MAML2: variants seen among roughly 807,000 people sequenced by gnomAD.
The protein encoded by MAML2 is mastermind-like protein 2.
Under a neutral mutation model 96.1 loss-of-function variants are expected in MAML2, and 22 were observed. The ratio of observed to expected loss-of-function variants is 0.23; its 90% confidence interval spans 0.16 to 0.33. MAML2 has a LOEUF of 0.33. MAML2 is among the 10% of genes least tolerant of loss of function. MAML2 has a pLI of 1.00. For missense variants in MAML2, 1,367 were observed against 1,392.4 expected (o/e 0.98, Z 0.29); for synonymous variants, 561 against 521.3 (o/e 1.08, Z -1.04).
At chr11:96,244,765 G>A (rs1184613618) in intron 1 of MAML2, among the ~76,000 whole-genome samples, 4 of 152,098 alleles carry the variant, frequency 2.6e-5, no homozygotes, top group Non-Finnish European at 5.9e-5. Flanking sequence ...TGGACTCTCA[G>A]AGCAATCACA....
chr11:96,023,300 T>C (rs1337167266), intron 2 of MAML2, among the ~76,000 whole-genome samples: 1 of 152,216 alleles, frequency 6.6e-6, no homozygotes, highest in Non-Finnish European at 1.5e-5. Flanking sequence ...TGCCATATGA[T>C]GGAGTCACTG....
chr11:96,220,920 T>C (rs1318808778), intron 1 of MAML2, among the ~76,000 whole-genome samples: 2 of 152,176 alleles, frequency 1.3e-5, no homozygotes, highest in Non-Finnish European at 2.9e-5. Flanking sequence ...AACTCTAATC[T>C]CTTGGAAGAC....
Position 96,092,724 on chromosome 11 carries a change from A to T in MAML2, c.1307T>A (p.Leu436His). 1 of 1,613,900 alleles carries T rather than the reference A, an allele frequency of 6.2e-7. No individual in the cohort carries two copies. Among genetic ancestry groups the T allele is most frequent in the Non-Finnish European group, 8.5e-7 (1 of 1,179,900 alleles). The change falls in exon 2 of 5, where the codon CTC (leucine) becomes CAC (histidine). Residue 436 changes from leucine (L) to histidine (H), a missense_variant. Coordinates refer to ENST00000524717, the MANE Select transcript of MAML2 (RefSeq NM_032427.4). This position sits in a 1 kb window ranked among gnomAD's most constrained non-coding sequence, Gnocchi z 4.1. ...SWQEVSHAQQ[L>H]KQIAANRQQH... ...CTGACGATTAGCAGCTATCTGTTTG[A>T]GCTGCTGGGCATGGGATACTTCCTG...
rs537532291 is a variant in MAML2, at chr11:96,301,947, C to T, written c.513+39436G>A. Among the ~76,000 whole-genome samples, 366 of 152,278 alleles carry T rather than the reference C, an allele frequency of 2.4e-3. 2 individuals are homozygous for T. Among genetic ancestry groups the T allele is most frequent in the Non-Finnish European group, 4.4e-3 (299 of 68,026 alleles). On this transcript the variant is annotated intron_variant, in intron 1 of 4. Coordinates refer to ENST00000524717, the MANE Select transcript of MAML2 (RefSeq NM_032427.4). The stretch of plus-strand genomic sequence containing the variant: ...CAAGATTAACATTGAAGAGCTATTG[C>T]GACCTTATTCTCTTATATTTCTTAG...
At chr11:96,023,414 C>T (rs771597492) in intron 2 of MAML2, among the ~76,000 whole-genome samples, 2 of 152,182 alleles carry the variant, frequency 1.3e-5, no homozygotes, top group South Asian at 2.1e-4. Flanking sequence ...CTTACCGCCT[C>T]GCTTTTCAGC....
Position 96,254,612 on chromosome 11 carries a change from CTT to C in MAML2, c.513+86769_513+86770del, listed in dbSNP as rs1433796624. Among the ~76,000 whole-genome samples, 5 of 152,038 alleles carry C rather than the reference CTT, an allele frequency of 3.3e-5. No individual in the cohort carries two copies. The East Asian group carries it at 9.7e-4, about 29-fold the overall frequency. Reference sequence around the variant, plus strand: ...AACAAAACAAAACAAAAAAAAAACTCTTTTAAAAAGCAAAATCAAAAGAACTC... The same window carrying C: ...AACAAAACAAAACAAAAAAAAAACTCTTAAAAAGCAAAATCAAAAGAACTC... On this transcript the variant is annotated intron_variant, in intron 1 of 4. Transcript: ENST00000524717.
At chr11:96,294,653 T>A (rs1863264853) in intron 1 of MAML2, among the ~76,000 whole-genome samples, 1 of 152,226 alleles carries the variant, frequency 6.6e-6, no homozygotes, top group African/African-American at 2.4e-5. Context: ...AATTCCCATA[T>A]AATTTTGATA....
chr11:96,092,016 T>C lies in MAML2; in HGVS notation c.2015A>G (p.Gln672Arg). The change falls in exon 2 of 5, where the codon CAA (glutamine) becomes CGA (arginine). Residue 672 changes from glutamine to arginine, a missense_variant. Physicochemically the swap from Gln to Arg is conservative, Grantham distance 43. Coordinates refer to ENST00000524717, the MANE Select transcript of MAML2 (RefSeq NM_032427.4). This position sits in a 1 kb window ranked among gnomAD's most constrained non-coding sequence, Gnocchi z 4.1. ...QQQQPSSQPAQSLPSQPLLRS... is the reference protein window; with the variant it reads ...QQQQPSSQPARSLPSQPLLRS... ...TAGCAAAGGCTGGCTTGGTAGAGAT[T>C]GGGCAGGCTGAGAAGATGGTTGTTG... 6.4e-7 allele frequency: 1 copy of C among 1,572,260 alleles called. No homozygotes were observed. Among genetic ancestry groups the C allele is most frequent in the East Asian group, 2.3e-5 (1 of 43,040 alleles).
chr11:96,116,506 C>T (rs1046979970), intron 1 of MAML2, among the ~76,000 whole-genome samples: 3 of 152,190 alleles, frequency 2.0e-5, no homozygotes, highest in African/African-American at 7.2e-5. Flanking sequence ...TCTGGTCTGA[C>T]AACATGGCAA....
intron 1 of MAML2, among the ~76,000 whole-genome samples, chr11:96,240,557 CAAAAAAAAAAAA>C (rs55659413): frequency 7.8e-5 from 4 of 51,090 alleles, no homozygotes; most frequent in East Asian, 6.6e-4. Flanking sequence ...GACTCCGTCT[CAAAAAAAAAAAA>C]AAAAAAAAAA....
In MAML2 at chr11:95,976,848, AT is replaced by A. The variant is rs1857658981; in HGVS notation, c.*2099del. On this transcript the variant is annotated 3_prime_UTR_variant, in exon 5 of 5. Transcript: ENST00000524717. ...CAACAAAAGCGTTTATATGTACATC[AT>A]TTTTTTTCTTTTTGTATGGAGAAAT... 5.4e-6 allele frequency: 1 copy of A among 186,770 alleles called. No homozygotes were observed. The highest frequency in any genetic ancestry group is 1.1e-5 in the Non-Finnish European group (1 of 88,428). 11.6% of individuals were successfully genotyped at this position (186,770 alleles called of 1,614,324 possible).
chr11:96,326,203 C>T (rs527996333), intron 1 of MAML2, among the ~76,000 whole-genome samples: 1 of 150,794 alleles, frequency 6.6e-6, no homozygotes, highest in Admixed American at 6.7e-5. Context: ...CATCTGTAAC[C>T]CTATTCCATC....
chr11:96,236,741 A>G (rs1862372300), intron 1 of MAML2, among the ~76,000 whole-genome samples: 1 of 152,200 alleles, frequency 6.6e-6, no homozygotes, highest in South Asian at 2.1e-4. Flanking sequence ...AGGGTTGATA[A>G]TAACATTGAT....
At chr11:96,319,320 A>G (rs1863672574) in intron 1 of MAML2, among the ~76,000 whole-genome samples, 1 of 152,252 alleles carries the variant, frequency 6.6e-6, no homozygotes, top group Non-Finnish European at 1.5e-5. Context: ...ATCCTGAGCT[A>G]GTACCACCCA....
intron 3 of MAML2, among the ~76,000 whole-genome samples, chr11:95,990,095 A>G (rs1374267258): frequency 1.3e-5 from 2 of 152,100 alleles, no homozygotes; most frequent in African/African-American, 4.8e-5. Flanking sequence ...ACTATCCTCA[A>G]TCTTTGCAGG....
intron 2 of MAML2, among the ~76,000 whole-genome samples, chr11:96,064,877 C>T (rs938908671): frequency 3.3e-5 from 5 of 152,138 alleles, no homozygotes; most frequent in African/African-American, 7.2e-5. Context: ...GATTTTTTCT[C>T]GCTTTTCATA....
At chr11:95,992,860 G>A (rs1216121155) in intron 2 of MAML2, among the ~76,000 whole-genome samples, 2 of 151,584 alleles carry the variant, frequency 1.3e-5, no homozygotes, top group Admixed American at 1.3e-4. Flanking sequence ...TGAATACATG[G>A]GAACAAAAGA....
chr11:96,321,168 T>G (rs1863695034), intron 1 of MAML2, among the ~76,000 whole-genome samples: 2 of 152,206 alleles, frequency 1.3e-5, no homozygotes, highest in Admixed American at 1.3e-4. Context: ...ACTTCCCACT[T>G]CACAAATGTA....
chr11:96,146,458 G>A (rs1591038820), intron 1 of MAML2, among the ~76,000 whole-genome samples: 1 of 152,180 alleles, frequency 6.6e-6, no homozygotes, highest in East Asian at 1.9e-4. Context: ...CAAACCATGG[G>A]ACTCAGAGTC....
Sources: allele counts gnomAD v4.1 joint callset (sites outside exome capture counted in the v4.1 genomes callset), GRCh38; gene constraint gnomAD v4.1.1; non-coding constraint Gnocchi (gnomAD v3.1); transcripts MANE v1.5; gene names NCBI Gene and HGNC (gene_info 2026-07-23, HGNC 2026-07-21).